The following VWA8 variants were observed in gnomAD, a reference collection of about 807,000 sequenced individuals.
VWA8 encodes the protein von Willebrand factor A domain containing 8, also known as von Willebrand factor A domain-containing protein 8.
In VWA8, 221 loss-of-function variants were observed where a neutral mutation model predicts 241.5. The ratio of observed to expected loss-of-function variants is 0.91; its 90% CI spans 0.82 to 1.02. The LOEUF is 1.02. VWA8 is among the 50% of genes least tolerant of loss of function. The probability of loss-of-function intolerance (pLI) is 0.00; values close to 1 mark genes in which losing one functional copy is unlikely to be tolerated. For synonymous variants in VWA8, 852 were observed against 827.1 expected, an observed-to-expected ratio of 1.03 and a Z score of -0.52; for missense variants, 2,322 against 2,328.7, an observed-to-expected ratio of 1.00 and a Z score of 0.06.
At chr13:41,697,817 T>C (rs2045224860) in intron 29 of VWA8, among the ~76,000 whole-genome samples, 1 of 152,154 alleles carries the variant, frequency 6.6e-6, no homozygotes, top group Non-Finnish European at 1.5e-5. Context: ...CTGCACAACC[T>C]GCTTCTCACC....
At chr13:41,671,380 T>C (rs1161026289) in intron 36 of VWA8, among the ~76,000 whole-genome samples, 4 of 151,978 alleles carry the variant, frequency 2.6e-5, no homozygotes, top group South Asian at 4.2e-4. Flanking sequence ...AGGACAATCA[T>C]GAATATAAAA....
At position 41,897,185 on chromosome 13, in the gene VWA8, A is replaced by G. The variant is rs115918671; in HGVS notation, c.484-5598T>C. ...AAGGAAAGAGAATAAGAGGACAAAT[A>G]TTGAGAACATACAAGGAACTCAAAT... On this transcript the variant is annotated intron_variant, in intron 4 of 44. Coordinates refer to ENST00000379310, the MANE Select transcript of VWA8 (RefSeq NM_015058.2). Among the ~76,000 whole-genome samples, 258 of 152,314 alleles carry G rather than the reference A, an allele frequency of 1.7e-3. 2 individuals are homozygous for G. The highest frequency in any genetic ancestry group is 5.7e-3 in the African/African-American group (237 of 41,570).
chr13:41,867,487 T>C (rs370804963), intron 10 of VWA8, among the ~76,000 whole-genome samples: 3 of 152,214 alleles, frequency 2.0e-5, no homozygotes, highest in African/African-American at 7.2e-5. Flanking sequence ...GGGTGAATCA[T>C]TAACCTCTTT....
chr13:41,739,663 TAA>T (rs1190829342), intron 21 of VWA8, among the ~76,000 whole-genome samples: 1 of 152,136 alleles, frequency 6.6e-6, no homozygotes, highest in Non-Finnish European at 1.5e-5. Flanking sequence ...AATCAGTGTT[TAA>T]GTTTTCTACC....
At chr13:41,865,648 G>T in intron 12 of VWA8, 88 bp downstream of exon 12, 1 of 1,430,348 alleles carries the variant, frequency 7.0e-7, no homozygotes, top group Non-Finnish European at 9.6e-7. Flanking sequence ...AAAAACACAG[G>T]TCATAACAAG....
intron 18 of VWA8, 22 bp from the exon 19 acceptor site, chr13:41,783,923 G>A: frequency 6.3e-7 from 1 of 1,590,036 alleles, no homozygotes; most frequent in South Asian, 1.1e-5. Context: ...ACACAGGACG[G>A]ATAATTATTC....
At chr13:41,851,441 C>T (rs185308490) in intron 12 of VWA8, among the ~76,000 whole-genome samples, 1 of 152,302 alleles carries the variant, frequency 6.6e-6, no homozygotes, top group African/African-American at 2.4e-5. Flanking sequence ...CTTCAAATCT[C>T]AACTTGAATT....
At chr13:41,926,995 T>C (rs753212054) in intron 2 of VWA8, 7 of 453,110 alleles carry the variant, frequency 1.5e-5, no homozygotes, top group Non-Finnish European at 3.0e-5. Context: ...ATGAGCGCTA[T>C]GGCAAATGGC....
chr13:41,871,426 G>A (rs1873606824), intron 9 of VWA8, among the ~76,000 whole-genome samples: 1 of 151,994 alleles, frequency 6.6e-6, no homozygotes, highest in Non-Finnish European at 1.5e-5. Context: ...TCTAGCATTA[G>A]GTATATCTCC....
At chr13:41,657,086 A>G (rs1485374693) in intron 37 of VWA8, among the ~76,000 whole-genome samples, 1 of 152,164 alleles carries the variant, frequency 6.6e-6, no homozygotes, top group Non-Finnish European at 1.5e-5. Context: ...AGCCTATTTA[A>G]GCACTCCTGA....
rs962950377 is a variant in VWA8, at chr13:41,657,638, C to T, written c.4611+13308G>A. Among the ~76,000 whole-genome samples the T allele has an allele frequency of 1.6e-4, 25 of 151,984 alleles. No individual in the cohort carries two copies. The South Asian group carries it at 2.5e-3, about 15-fold the overall frequency. On this transcript the variant is annotated intron_variant, in intron 37 of 44. Transcript: ENST00000379310. ...CCGAGTAGCTGGGACTACAGGCGCCCGCCACCGCGCCCGGCTAATTTTTTG... is the reference window on the plus strand; with the variant it reads ...CCGAGTAGCTGGGACTACAGGCGCCTGCCACCGCGCCCGGCTAATTTTTTG...
At chr13:41,875,205 A>T (rs1467433928) in intron 9 of VWA8, among the ~76,000 whole-genome samples, 1 of 152,120 alleles carries the variant, frequency 6.6e-6, no homozygotes, top group Non-Finnish European at 1.5e-5. Flanking sequence ...GAGTAGACAG[A>T]AACCCCTAGA....
chr13:41,917,675 G>A (rs999582469), intron 2 of VWA8, among the ~76,000 whole-genome samples: 1 of 152,182 alleles, frequency 6.6e-6, no homozygotes, highest in Non-Finnish European at 1.5e-5. Flanking sequence ...TGTGGATTTG[G>A]TGGATATGAA....
At chr13:41,864,534 G>A (rs1873197353) in intron 12 of VWA8, 2 of 397,580 alleles carry the variant, frequency 5.0e-6, no homozygotes, top group East Asian at 8.0e-5. Flanking sequence ...GCAACAACAT[G>A]GATAAATCTT....
intron 26 of VWA8, among the ~76,000 whole-genome samples, chr13:41,705,942 A>C (rs1171589198): frequency 1.3e-5 from 2 of 152,232 alleles, no homozygotes; most frequent in Non-Finnish European, 2.9e-5. Flanking sequence ...ACAAGCTCTG[A>C]ATACATCCCA....
intron 20 of VWA8, among the ~76,000 whole-genome samples, chr13:41,767,355 C>A (rs1228193022): frequency 6.6e-6 from 1 of 152,282 alleles, no homozygotes; most frequent in Non-Finnish European, 1.5e-5. Flanking sequence ...ACTATACTAT[C>A]CCTCTCAGGT....
chr13:41,948,889 A>C (rs945496435), intron 2 of VWA8, among the ~76,000 whole-genome samples: 1 of 152,122 alleles, frequency 6.6e-6, no homozygotes, highest in African/African-American at 2.4e-5. Flanking sequence ...CAGGAATTAA[A>C]AACAAACTGA....
At chr13:41,910,850 G>T (rs1479210276) in intron 3 of VWA8, among the ~76,000 whole-genome samples, 3 of 152,038 alleles carry the variant, frequency 2.0e-5, no homozygotes, top group African/African-American at 7.2e-5. Context: ...ATTCGCCACT[G>T]AAATAAAAGA....
intron 2 of VWA8, among the ~76,000 whole-genome samples, chr13:41,931,011 T>C (rs1427403776): frequency 6.6e-6 from 1 of 151,698 alleles, no homozygotes; most frequent in Non-Finnish European, 1.5e-5. Flanking sequence ...TAGATGGGCA[T>C]GGTGGCGCAC....
Sources: allele counts gnomAD v4.1 joint callset (sites outside exome capture counted in the v4.1 genomes callset), GRCh38; gene constraint gnomAD v4.1.1; transcripts MANE v1.5; gene names NCBI Gene and HGNC (gene_info 2026-07-23, HGNC 2026-07-21).